The following MYCBP2 variants were observed in gnomAD, a reference collection of about 807,000 sequenced individuals.
MYCBP2 encodes the protein E3 ubiquitin-protein ligase MYCBP2.
A neutral mutation model predicts 525.3 loss-of-function variants in MYCBP2; 120 were observed. The observed-to-expected ratio is 0.23, with a 90% CI of 0.20 to 0.27. The LOEUF is 0.27. MYCBP2 is among the 10% of genes least tolerant of loss of function. The probability of loss-of-function intolerance (pLI) is 1.00; values close to 1 mark genes in which losing one functional copy is unlikely to be tolerated. For synonymous variants in MYCBP2, 1,894 were observed against 1,955.8 expected, an observed-to-expected ratio of 0.97 and a Z score of 0.83; for missense variants, 4,149 against 5,657.1, an observed-to-expected ratio of 0.73 and a Z score of 8.55.
Position 77,139,344 on chromosome 13 carries a change from A to G in MYCBP2, c.7519-8T>C. ...ACCATCATCATTATGGATCTATAGA[A>G]AAAAGCAACAGAAACAAGCCAGGCC... On this transcript the variant is annotated splice_region_variant and splice_polypyrimidine_tract_variant and intron_variant, in intron 51 of 82. Transcript: ENST00000544440. The G allele has an allele frequency of 6.2e-7, 1 of 1,608,820 alleles. No homozygotes were observed. The highest frequency in any genetic ancestry group is 8.5e-7 in the Non-Finnish European group (1 of 1,176,936).
Position 77,067,709 on chromosome 13 carries a change from A to G in MYCBP2, c.12327T>C (p.Phe4109=), listed in dbSNP as rs772535433. The G allele has an allele frequency of 6.2e-6, 10 of 1,614,118 alleles. No individual in the cohort carries two copies. The East Asian group carries it at 2.2e-4, about 36-fold the overall frequency. The change falls in exon 71 of 83, where the codon TTT becomes TTC. Residue 4109 remains phenylalanine (F), a synonymous_variant. Coordinates refer to ENST00000544440, the MANE Select transcript of MYCBP2 (RefSeq NM_015057.5). ...DWNKLGILDM[F]LGCIAKALTV... ...TGAGTGCTTTGGCAATGCATCCTAG[A>G]AACATGTCCAAGATACCCAGCTTAT...
intron 1 of MYCBP2, among the ~76,000 whole-genome samples, chr13:77,300,327 A>ATCTC (rs1594771930): frequency 6.6e-6 from 1 of 152,212 alleles, no homozygotes; most frequent in Non-Finnish European, 1.5e-5. Flanking sequence ...GAGTCACAAG[A>ATCTC]TCTCTGTTGC....
At chr13:77,261,941 T>C (rs2073362565) in intron 11 of MYCBP2, 112 bp downstream of exon 11, 1 of 826,944 alleles carries the variant, frequency 1.2e-6, no homozygotes, top group Non-Finnish European at 1.8e-6. Context: ...TAAATCAAAA[T>C]TTAAAAGATG....
chr13:77,251,671 AG>A (rs1396759932), intron 14 of MYCBP2, among the ~76,000 whole-genome samples: 2 of 152,120 alleles, frequency 1.3e-5, no homozygotes, highest in Non-Finnish European at 2.9e-5. Flanking sequence ...AACAGACCAA[AG>A]AAAGCCTCCC....
intron 1 of MYCBP2, among the ~76,000 whole-genome samples, chr13:77,303,265 G>A (rs537976863): frequency 6.6e-6 from 1 of 152,304 alleles, no homozygotes; most frequent in South Asian, 2.1e-4. Flanking sequence ...CCCGAGAGGT[G>A]GCGGTTGCAG....
chr13:77,281,105 T>C (rs1313707966), intron 3 of MYCBP2, among the ~76,000 whole-genome samples: 1 of 152,176 alleles, frequency 6.6e-6, no homozygotes, highest in Non-Finnish European at 1.5e-5. Flanking sequence ...AAGTAGACTT[T>C]AAAACAGTTT....
At position 77,191,665 on chromosome 13, in the gene MYCBP2, G is replaced by C; in HGVS notation, c.4070+14C>G. On this transcript the variant is annotated intron_variant, in intron 28 of 82. Transcript: ENST00000544440. Reference sequence around the variant, plus strand: ...AATAAGTATTGCTTAAGTAACACTTGGGCATTTACTTACCCATCATCTGTG... The same window carrying C: ...AATAAGTATTGCTTAAGTAACACTTCGGCATTTACTTACCCATCATCTGTG... The C allele has an allele frequency of 6.2e-7, 1 of 1,609,730 alleles. No individual in the cohort carries two copies. Among genetic ancestry groups the C allele is most frequent in the Non-Finnish European group, 8.5e-7 (1 of 1,178,380 alleles).
At chr13:77,089,103 T>A in intron 60 of MYCBP2, 72 bp from the exon 61 acceptor site, 1 of 1,112,130 alleles carries the variant, frequency 9.0e-7, no homozygotes, top group Non-Finnish European at 1.3e-6. Context: ...ATATCTAATA[T>A]ATTCACTTAA....
chr13:77,191,646 T>A (rs536786187), intron 28 of MYCBP2, 33 bp downstream of exon 28: 2 of 1,601,322 alleles, frequency 1.2e-6, no homozygotes. Flanking sequence ...CAAAAATAAG[T>A]ATTGCTTAAG....
At chr13:77,231,829 A>T (rs1308911231) in intron 18 of MYCBP2, among the ~76,000 whole-genome samples, 1 of 152,248 alleles carries the variant, frequency 6.6e-6, no homozygotes, top group Non-Finnish European at 1.5e-5. Flanking sequence ...AAATCATAAA[A>T]GATCAGACAT....
rs769720843 is a variant in MYCBP2 at position 77,263,987 on chromosome 13, CCTT to C, written c.1370_1372del (p.Glu457del). On this transcript the variant is annotated inframe_deletion, in exon 9 of 83. Transcript: ENST00000544440. ...TCCATCAGTGAATAAAATATTTTGA[CCTT>C]CAGTGTGGCAATCTGTGCAAAAGAA... The C allele has an allele frequency of 1.9e-4, 306 of 1,612,120 alleles. No individual in the cohort carries two copies. Among genetic ancestry groups the C allele is most frequent in the Non-Finnish European group, 2.5e-4 (294 of 1,178,898 alleles).
In MYCBP2 at chr13:77,058,923, T is replaced by TGCA. The variant is rs2038722899; in HGVS notation, c.13141-520_13141-518dup. Among the ~76,000 whole-genome samples, 2 of 152,100 alleles carry TGCA rather than the reference T, an allele frequency of 1.3e-5. No homozygotes were observed. The highest frequency in any genetic ancestry group is 4.1e-4 in the South Asian group (2 of 4,826). On this transcript the variant is annotated intron_variant, in intron 77 of 82. Transcript: ENST00000544440. This position sits in a 1 kb window ranked among gnomAD's most constrained non-coding sequence, Gnocchi z 4.1. Reference sequence around the variant, plus strand: ...TCGCTTGAACCCGGGAGGCGGAGGTTGCAGTGAGCCGAGATCGTGCCACTG... The same window carrying TGCA: ...TCGCTTGAACCCGGGAGGCGGAGGTTGCAGCAGTGAGCCGAGATCGTGCCACTG...
Position 77,278,831 on chromosome 13 carries a change from A to G in MYCBP2, c.675T>C (p.Ser225=), listed in dbSNP as rs761090089. ...RFSHPSLCLR[S]LQALLNVLQG... is the part of the protein sequence containing the mutation. ...GCAGCACGTTGAGCAGGGCTTGGAG[A>G]CTCCTGAGACACAGGGATGGATGAG... The change falls in exon 4 of 83, where the codon AGT becomes AGC. Residue 225 remains serine (S), a synonymous_variant. Transcript: ENST00000544440. 2.5e-6 allele frequency: 4 copies of G among 1,604,558 alleles called. No homozygotes were observed. Among genetic ancestry groups the G allele is most frequent in the East Asian group, 4.5e-5 (2 of 44,116 alleles).
rs1295950661 is a variant in MYCBP2 at position 77,278,653 on chromosome 13, G to A, written c.748+105C>T. 1.5e-5 allele frequency: 16 copies of A among 1,051,488 alleles called. No homozygotes were observed. In the East Asian group the frequency reaches 5.2e-4, roughly 34 times the overall value. The allele number at this position is 1,051,488 out of a possible 1,614,324, so 65.1% of individuals were successfully genotyped here. ...CCTCAAGTACTTAACATTTTCTGTA[G>A]TGAGAACTTTAGAAATATTCTCTTA... On this transcript the variant is annotated intron_variant, in intron 4 of 82. Transcript: ENST00000544440.
chr13:77,217,496 G>T (rs1255018398), intron 21 of MYCBP2, among the ~76,000 whole-genome samples: 1 of 152,160 alleles, frequency 6.6e-6, no homozygotes, highest in African/African-American at 2.4e-5. Context: ...AGTTCTATGT[G>T]TTAAGAAAAA....
chr13:77,252,858 A>G (rs2071459590), intron 14 of MYCBP2, among the ~76,000 whole-genome samples: 1 of 152,110 alleles, frequency 6.6e-6, no homozygotes, highest in Admixed American at 6.6e-5. Context: ...TGTACTGAGC[A>G]CTATTTGTAA....
intron 2 of MYCBP2, among the ~76,000 whole-genome samples, chr13:77,294,135 T>TATATATATATATATATATAC (rs2077905011): frequency 1.7e-5 from 2 of 116,100 alleles, no homozygotes; most frequent in African/African-American, 2.9e-5. Flanking sequence ...TATATACATA[T>TATATATATATATATATATAC]ATATATACAT....
intron 1 of MYCBP2, among the ~76,000 whole-genome samples, chr13:77,325,735 G>A (rs1037905929): frequency 6.6e-6 from 1 of 152,206 alleles, no homozygotes; most frequent in Non-Finnish European, 1.5e-5. Flanking sequence ...AGGATGAAGA[G>A]AAATGGCCGA....
chr13:77,191,584 C>A, intron 28 of MYCBP2, 95 bp downstream of exon 28: 1 of 1,422,998 alleles, frequency 7.0e-7, no homozygotes, highest in Non-Finnish European at 9.5e-7. Flanking sequence ...TCTTCCTAAG[C>A]TTTTGAATCC....
Sources: gnomAD v4.1 joint callset for allele counts (sites outside exome capture counted in the v4.1 genomes callset) on GRCh38, gnomAD v4.1.1 for gene constraint, Gnocchi (gnomAD v3.1) non-coding constraint, MANE v1.5 for transcripts, NCBI Gene and HGNC (gene_info 2026-07-23, HGNC 2026-07-21) for gene names.